Variants in RAD51B observed in about 807,000 individuals in gnomAD.
RAD51B encodes DNA repair protein RAD51 homolog 2.
In RAD51B, 38 loss-of-function variants were observed where a neutral mutation model predicts 42.2. The observed-to-expected ratio is 0.90, with a 90% CI of 0.70 to 1.18. The LOEUF is 1.18. RAD51B is among the 50% of genes most tolerant of loss of function. The pLI is 0.00. For synonymous variants in RAD51B, 154 were observed against 145.2 expected, an observed-to-expected ratio of 1.06 and a Z score of -0.43; for missense variants, 373 against 400.7, an observed-to-expected ratio of 0.93 and a Z score of 0.59.
At chr14:67,961,608 G>T (rs193275359) in intron 7 of RAD51B, among the ~76,000 whole-genome samples, 2 of 152,190 alleles carry the variant, frequency 1.3e-5, no homozygotes, top group African/African-American at 4.8e-5. Flanking sequence ...CTCTGAAAAT[G>T]TGTAGCTATC....
rs79073731 is a variant in RAD51B at position 67,972,981 on chromosome 14, T to G, written c.756+85777T>G. ...GATCCCAACAAGGGTAGGGATTGGT[T>G]AGTTTCAGGGCATCTTATCTAAACA... On this transcript the variant is annotated intron_variant, in intron 7 of 10. Coordinates refer to ENST00000471583, the MANE Select transcript of RAD51B (RefSeq NM_133510.4). 8.0e-3 allele frequency among the ~76,000 whole-genome samples: 1,223 copies of G among 152,224 alleles called. 15 individuals are homozygous for G. Among genetic ancestry groups the G allele is most frequent in the African/African-American group, 0.028 (1,146 of 41,556 alleles).
At chr14:68,176,113 T>C (rs1017352560) in intron 7 of RAD51B, among the ~76,000 whole-genome samples, 11 of 152,156 alleles carry the variant, frequency 7.2e-5, no homozygotes, top group African/African-American at 2.4e-4. Flanking sequence ...TTAGTTGGAG[T>C]CTCAGAGTAT....
intron 7 of RAD51B, among the ~76,000 whole-genome samples, chr14:68,020,190 A>T (rs1226922752): frequency 1.3e-5 from 2 of 151,980 alleles, no homozygotes; most frequent in African/African-American, 4.8e-5. Flanking sequence ...GCTCACTGCA[A>T]CCTCTGTCTC....
At chr14:68,608,465 G>A (rs1595023871) in intron 10 of RAD51B, among the ~76,000 whole-genome samples, 1 of 152,198 alleles carries the variant, frequency 6.6e-6, no homozygotes, top group South Asian at 2.1e-4. Flanking sequence ...AGGAAGTCCC[G>A]GGGCTGTGAA....
At chr14:67,828,685 C>A (rs2040918876) in intron 3 of RAD51B, among the ~76,000 whole-genome samples, 1 of 151,994 alleles carries the variant, frequency 6.6e-6, no homozygotes, top group Non-Finnish European at 1.5e-5. Flanking sequence ...AGGAAGGGGT[C>A]CAGTTTCAGT....
intron 10 of RAD51B, among the ~76,000 whole-genome samples, chr14:68,590,164 C>G (rs1000842867): frequency 6.6e-6 from 1 of 152,234 alleles, no homozygotes; most frequent in Non-Finnish European, 1.5e-5. Flanking sequence ...GCCTCGGCCT[C>G]CAGCAAGATG....
chr14:67,967,597 G>A (rs1383882999), intron 7 of RAD51B, among the ~76,000 whole-genome samples: 1 of 152,120 alleles, frequency 6.6e-6, no homozygotes, highest in Non-Finnish European at 1.5e-5. Flanking sequence ...AAATCCAGTG[G>A]GGCAAATTCT....
chr14:67,937,923 G>T (rs928940039), intron 7 of RAD51B, among the ~76,000 whole-genome samples: 2 of 151,980 alleles, frequency 1.3e-5, no homozygotes, highest in Non-Finnish European at 2.9e-5. Flanking sequence ...TGCATTAGGG[G>T]TTTGAAATAG....
At chr14:68,237,511 G>T (rs2080284468) in intron 7 of RAD51B, among the ~76,000 whole-genome samples, 1 of 152,012 alleles carries the variant, frequency 6.6e-6, no homozygotes, top group Non-Finnish European at 1.5e-5. Context: ...TGTAACTATT[G>T]TCATTATCAA....
intron 7 of RAD51B, among the ~76,000 whole-genome samples, chr14:67,900,828 T>C (rs150965692): frequency 6.6e-6 from 1 of 152,270 alleles, no homozygotes; most frequent in Non-Finnish European, 1.5e-5. Context: ...TACCATATTG[T>C]AATGAATTTA....
intron 10 of RAD51B, among the ~76,000 whole-genome samples, chr14:68,535,575 CA>C (rs1168531159): frequency 1.3e-5 from 2 of 152,162 alleles, no homozygotes; most frequent in Non-Finnish European, 2.9e-5. Context: ...TTAGGATCAC[CA>C]GGCTGACTCA....
intron 7 of RAD51B, among the ~76,000 whole-genome samples, chr14:68,158,840 T>TAG (rs925510297): frequency 6.6e-6 from 1 of 152,208 alleles, no homozygotes; most frequent in Non-Finnish European, 1.5e-5. Flanking sequence ...ATTGGCCACA[T>TAG]AGAGGTGCTG....
intron 10 of RAD51B, among the ~76,000 whole-genome samples, chr14:68,622,768 G>A (rs992890189): frequency 2.0e-5 from 3 of 150,448 alleles, no homozygotes; most frequent in Non-Finnish European, 4.4e-5. Context: ...TCCTCCTGAG[G>A]GCTATTTGTG....
At chr14:68,556,341 A>G (rs1252455373) in intron 10 of RAD51B, among the ~76,000 whole-genome samples, 1 of 152,134 alleles carries the variant, frequency 6.6e-6, no homozygotes, top group Non-Finnish European at 1.5e-5. Context: ...GGCCTTGCTC[A>G]GGCCCCTACC....
intron 7 of RAD51B, among the ~76,000 whole-genome samples, chr14:67,993,912 C>G (rs187827912): frequency 6.6e-6 from 1 of 152,156 alleles, no homozygotes; most frequent in African/African-American, 2.4e-5. Context: ...TGATTTTTAA[C>G]GCTGTATGCT....
At chr14:68,221,104 G>GA (rs1473804798) in intron 7 of RAD51B, among the ~76,000 whole-genome samples, 13 of 152,152 alleles carry the variant, frequency 8.5e-5, no homozygotes. Flanking sequence ...CTCAATATGT[G>GA]AAAATGACCA....
intron 7 of RAD51B, among the ~76,000 whole-genome samples, chr14:68,013,683 T>A (rs1225200608): frequency 6.6e-6 from 1 of 152,184 alleles, no homozygotes; most frequent in Non-Finnish European, 1.5e-5. Context: ...CAACAAATAA[T>A]TTACTATGAT....
intron 7 of RAD51B, among the ~76,000 whole-genome samples, chr14:67,900,445 A>G (rs2043571421): frequency 1.3e-5 from 2 of 152,140 alleles, no homozygotes; most frequent in Non-Finnish European, 1.5e-5. Context: ...GACACAATAC[A>G]TGCTGTTACT....
At chr14:67,875,459 T>C (rs2037001019) in intron 5 of RAD51B, among the ~76,000 whole-genome samples, 1 of 152,212 alleles carries the variant, frequency 6.6e-6, no homozygotes, top group Non-Finnish European at 1.5e-5. Flanking sequence ...ATGGATTGCA[T>C]ATAAGATGGT....
Sources: allele counts gnomAD v4.1 joint callset (sites outside exome capture counted in the v4.1 genomes callset), GRCh38; gene constraint gnomAD v4.1.1; transcripts MANE v1.5; gene names NCBI Gene and HGNC (gene_info 2026-07-23, HGNC 2026-07-21).